The following CNTNAP5 variants were observed in gnomAD, a reference collection of about 807,000 sequenced individuals.
CNTNAP5 encodes contactin associated protein family member 5, also known as contactin-associated protein-like 5.
In CNTNAP5, 72 loss-of-function variants were observed where a neutral mutation model predicts 150.2. That is an observed-to-expected ratio of 0.48 (90% CI 0.40 to 0.58). The LOEUF (loss-of-function observed/expected upper bound fraction) is 0.58, where lower values mean the gene tolerates loss of function less well. CNTNAP5 is among the 20% of genes least tolerant of loss of function. The pLI is 0.00. For synonymous variants in CNTNAP5, 672 were observed against 619.8 expected (o/e 1.08, Z -1.25); for missense variants, 1,636 against 1,626.2 (o/e 1.01, Z -0.10).
At chr2:124,253,705 C>T (rs1687241374) in intron 3 of CNTNAP5, among the ~76,000 whole-genome samples, 1 of 152,050 alleles carries the variant, frequency 6.6e-6, no homozygotes. Context: ...TTGGGCACTA[C>T]TTATCAGAGT....
At chr2:124,510,514 T>TAC (rs1198451222) in intron 8 of CNTNAP5, among the ~76,000 whole-genome samples, 1 of 123,698 alleles carries the variant, frequency 8.1e-6, no homozygotes, top group African/African-American at 3.3e-5. Context: ...TATATATATA[T>TAC]ATATACATAT....
chr2:124,437,571 T>C (rs1692565908), intron 5 of CNTNAP5, among the ~76,000 whole-genome samples: 1 of 152,142 alleles, frequency 6.6e-6, no homozygotes, highest in Admixed American at 6.6e-5. Flanking sequence ...AAAATCCAAC[T>C]CTTACAACCT....
At chr2:124,844,957 G>T (rs182599266) in intron 19 of CNTNAP5, among the ~76,000 whole-genome samples, 66 of 152,084 alleles carry the variant, frequency 4.3e-4, no homozygotes, top group African/African-American at 1.5e-3. Flanking sequence ...TACCAATTTG[G>T]ATGCCCTTTA....
chr2:124,808,044 T>C (rs1195102016), intron 19 of CNTNAP5, among the ~76,000 whole-genome samples: 2 of 152,102 alleles, frequency 1.3e-5, no homozygotes, highest in Non-Finnish European at 2.9e-5. Context: ...GTTTCTGTAA[T>C]GCAAGTTTCA....
chr2:124,121,924 C>T (rs1325447922), intron 1 of CNTNAP5, among the ~76,000 whole-genome samples: 1 of 152,202 alleles, frequency 6.6e-6, no homozygotes, highest in Non-Finnish European at 1.5e-5. Flanking sequence ...AAGACAGATG[C>T]ATGGAACTAT....
At position 124,278,380 on chromosome 2, in the gene CNTNAP5, A is replaced by G. The variant is rs141425777; in HGVS notation, c.381+35987A>G. ...GCTCCTATAGAGAAATAACATAAAC[A>G]GATTTTTGAAAACATTTACCTTTGC... On this transcript the variant is annotated intron_variant, in intron 3 of 23. Transcript: ENST00000682447. Among the ~76,000 whole-genome samples the G allele has an allele frequency of 4.3e-3, 658 of 152,310 alleles. 8 individuals carry two copies. The highest frequency in any genetic ancestry group is 0.031 in the East Asian group (162 of 5,178).
chr2:124,221,681 C>G (rs763961372), intron 1 of CNTNAP5, 24 bp from the exon 2 acceptor site: 1 of 1,440,354 alleles, frequency 6.9e-7, no homozygotes, highest in Admixed American at 1.7e-5. Flanking sequence ...TGGTCTCTCT[C>G]CCTCTGTCCT....
chr2:124,562,983 C>T (rs1252100110), intron 10 of CNTNAP5, among the ~76,000 whole-genome samples: 2 of 152,190 alleles, frequency 1.3e-5, no homozygotes, highest in Non-Finnish European at 2.9e-5. Context: ...AACTTAAGTA[C>T]TTACATCAGC....
At chr2:124,145,735 G>A (rs1684223404) in intron 1 of CNTNAP5, among the ~76,000 whole-genome samples, 1 of 118,932 alleles carries the variant, frequency 8.4e-6, no homozygotes, top group Non-Finnish European at 1.7e-5. Context: ...CATGGCACAT[G>A]TATACATATG....
intron 16 of CNTNAP5, among the ~76,000 whole-genome samples, chr2:124,767,249 C>T (rs945443066): frequency 1.7e-4 from 26 of 152,018 alleles, no homozygotes; most frequent in African/African-American, 5.6e-4. Flanking sequence ...TTGATATATC[C>T]GAATTATTGG....
intron 3 of CNTNAP5, among the ~76,000 whole-genome samples, chr2:124,252,717 C>A (rs748376812): frequency 2.6e-5 from 4 of 152,068 alleles, no homozygotes; most frequent in African/African-American, 4.8e-5. Flanking sequence ...AATGGAAAGT[C>A]AAATTATCAT....
intron 1 of CNTNAP5, among the ~76,000 whole-genome samples, chr2:124,040,314 A>C (rs1303826882): frequency 6.6e-6 from 1 of 152,190 alleles, no homozygotes; most frequent in Non-Finnish European, 1.5e-5. Flanking sequence ...TCATATGGAT[A>C]GTAAGTACAC....
chr2:124,341,267 A>G (rs1689607374), intron 3 of CNTNAP5, among the ~76,000 whole-genome samples: 1 of 152,080 alleles, frequency 6.6e-6, no homozygotes, highest in Admixed American at 6.6e-5. Flanking sequence ...CCCCTCCCTG[A>G]GTTGGGTGGA....
intron 11 of CNTNAP5, among the ~76,000 whole-genome samples, chr2:124,586,366 C>A (rs1696537638): frequency 6.6e-6 from 1 of 152,160 alleles, no homozygotes; most frequent in Non-Finnish European, 1.5e-5. Flanking sequence ...GGTCGCTGAG[C>A]CCCTGTAAGC....
At chr2:124,733,846 A>G (rs1219267956) in intron 13 of CNTNAP5, among the ~76,000 whole-genome samples, 1 of 152,200 alleles carries the variant, frequency 6.6e-6, no homozygotes, top group Non-Finnish European at 1.5e-5. Context: ...TTGGAAAGAA[A>G]TCTGCAAAGA....
chr2:124,487,412 T>C, intron 7 of CNTNAP5, among the ~76,000 whole-genome samples: 1 of 152,180 alleles, frequency 6.6e-6, no homozygotes, highest in East Asian at 1.9e-4. Flanking sequence ...AGAAATTTCG[T>C]ATCCAAACAC....
chr2:124,787,315 A>G (rs1248417584), intron 17 of CNTNAP5, among the ~76,000 whole-genome samples: 1 of 152,196 alleles, frequency 6.6e-6, no homozygotes, highest in Non-Finnish European at 1.5e-5. Context: ...GGAAAGAAAT[A>G]ATGAACCTTC....
At chr2:124,860,721 C>A (rs986802529) in intron 19 of CNTNAP5, among the ~76,000 whole-genome samples, 1 of 152,024 alleles carries the variant, frequency 6.6e-6, no homozygotes. Context: ...GTAGACAACA[C>A]AACACAGTAC....
chr2:124,701,598 C>T (rs1032239975), intron 13 of CNTNAP5, among the ~76,000 whole-genome samples: 2 of 152,002 alleles, frequency 1.3e-5, no homozygotes, highest in East Asian at 1.9e-4. Context: ...TCATAATTCC[C>T]CATACTGCTT....
Sources: gnomAD v4.1 joint callset for allele counts (sites outside exome capture counted in the v4.1 genomes callset) on GRCh38, gnomAD v4.1.1 for gene constraint, MANE v1.5 for transcripts, NCBI Gene and HGNC (gene_info 2026-07-23, HGNC 2026-07-21) for gene names.